ARMH4: variants seen among roughly 807,000 people sequenced by gnomAD.
ARMH4 encodes the protein armadillo-like helical domain-containing protein 4.
Under a neutral mutation model 61.9 loss-of-function variants are expected in ARMH4, and 49 were observed. That is an observed-to-expected ratio of 0.79 (90% CI 0.63 to 1.00). ARMH4 has a LOEUF of 1.00. ARMH4 is among the 50% of genes least tolerant of loss of function. The pLI is 0.00. For synonymous variants in ARMH4, 368 were observed against 341.5 expected, an observed-to-expected ratio of 1.08 and a Z score of -0.85; for missense variants, 934 against 930.0, an observed-to-expected ratio of 1.00 and a Z score of -0.06.
intron 5 of ARMH4, among the ~76,000 whole-genome samples, chr14:58,044,756 A>T (rs1216958101): frequency 6.6e-6 from 1 of 152,250 alleles, no homozygotes; most frequent in Non-Finnish European, 1.5e-5. Flanking sequence ...AAAGAACTCA[A>T]ACAAATTTAC....
At chr14:58,040,725 G>C (rs534732171) in intron 5 of ARMH4, among the ~76,000 whole-genome samples, 7 of 152,140 alleles carry the variant, frequency 4.6e-5, no homozygotes, top group Non-Finnish European at 8.8e-5. Context: ...ATTGAAACCT[G>C]GAATATATTT....
chr14:58,010,091 G>A (rs1882347299), intron 6 of ARMH4, among the ~76,000 whole-genome samples: 1 of 152,182 alleles, frequency 6.6e-6, no homozygotes, highest in East Asian at 1.9e-4. Context: ...GGTTGGGCAT[G>A]TAGTTTAGTT....
At position 58,071,523 on chromosome 14, in the gene ARMH4, T is replaced by C. The variant is rs113829831; in HGVS notation, c.2089+25201A>G. Among the ~76,000 whole-genome samples the C allele has an allele frequency of 7.3e-3, 1,119 of 152,292 alleles. 14 individuals carry two copies. Among genetic ancestry groups the C allele is most frequent in the African/African-American group, 0.025 (1,044 of 41,554 alleles). Reference sequence around the variant, plus strand: ...GTCAGGTCATATAACTGGTGCCAAATTGGCTCCCACTTGTGTTTTAGGCTG... The same window carrying C: ...GTCAGGTCATATAACTGGTGCCAAACTGGCTCCCACTTGTGTTTTAGGCTG... On this transcript the variant is annotated intron_variant, in intron 5 of 7. Coordinates refer to ENST00000267485, the MANE Select transcript of ARMH4 (RefSeq NM_001001872.4).
chr14:58,086,551 T>C (rs1317874270), intron 5 of ARMH4, among the ~76,000 whole-genome samples: 1 of 152,124 alleles, frequency 6.6e-6, no homozygotes, highest in Non-Finnish European at 1.5e-5. Context: ...TTATGTTATC[T>C]AAAAACCTTG....
intron 5 of ARMH4, among the ~76,000 whole-genome samples, chr14:58,071,855 G>A (rs568753294): frequency 6.6e-6 from 1 of 152,152 alleles, no homozygotes. Context: ...TAGTGCTGAC[G>A]ACAAGGGAGA....
At position 58,138,998 on chromosome 14, in the gene ARMH4, A is replaced by T. The variant is rs755487937; in HGVS notation, c.361T>A (p.Ser121Thr). 1 of 1,614,202 alleles carries T rather than the reference A, an allele frequency of 6.2e-7. No homozygotes were observed. Among genetic ancestry groups the T allele is most frequent in the South Asian group, 1.1e-5 (1 of 91,090 alleles). The change falls in exon 2 of 8, where the codon TCA becomes ACA. Residue 121 changes from serine to threonine, a missense_variant. Physicochemically the swap from Ser to Thr is moderately conservative, Grantham distance 58. Coordinates refer to ENST00000267485, the MANE Select transcript of ARMH4 (RefSeq NM_001001872.4). ...CTGGAACCAAATACTTCTTCAGCTG[A>T]GGGGACACCTGACTCAGTAGGTGTG... Reference protein sequence around the residue: ...VSTPTESGVPSAEEVFGSSQP... With the variant: ...VSTPTESGVPTAEEVFGSSQP...
intron 5 of ARMH4, among the ~76,000 whole-genome samples, chr14:58,060,283 G>C (rs1275975847): frequency 6.6e-6 from 1 of 152,134 alleles, no homozygotes; most frequent in Non-Finnish European, 1.5e-5. Flanking sequence ...CAGCTTTGCT[G>C]TTATTTCCTC....
At chr14:58,055,276 A>G (rs955672353) in intron 5 of ARMH4, among the ~76,000 whole-genome samples, 2 of 152,240 alleles carry the variant, frequency 1.3e-5, no homozygotes, top group African/African-American at 4.8e-5. Context: ...AGAAAGCAAC[A>G]AATATGTCCC....
At chr14:58,119,984 T>C (rs1236814878) in intron 4 of ARMH4, among the ~76,000 whole-genome samples, 1 of 102,532 alleles carries the variant, frequency 9.8e-6, no homozygotes, top group Admixed American at 8.5e-5. Flanking sequence ...CAGTTGTACA[T>C]CACTTAACAA....
At chr14:58,119,863 T>A (rs1364545259) in intron 4 of ARMH4, among the ~76,000 whole-genome samples, 2 of 152,216 alleles carry the variant, frequency 1.3e-5, no homozygotes, top group African/African-American at 4.8e-5. Flanking sequence ...AAACAATTTA[T>A]TGCTAGTGTG....
rs1282687440 is a variant in ARMH4, at chr14:58,001,540, A to G, written c.*3196T>C. ...CCACCCACAGTATACAAGGATTCCA[A>G]TTTCTCCACATCCTCAGAAACAATT... is the stretch of plus-strand genomic sequence containing the variant. On this transcript the variant is annotated 3_prime_UTR_variant, in exon 8 of 8. Transcript: ENST00000267485. 1.3e-5 allele frequency: 2 copies of G among 152,162 alleles called. No homozygotes were observed. The highest frequency in any genetic ancestry group is 4.8e-5 in the African/African-American group (2 of 41,448). 9.4% of individuals were successfully genotyped at this position (152,162 alleles called of 1,614,324 possible). A position where few individuals can be genotyped will look rare whatever the true frequency, so the allele number is the denominator to read the frequency against.
At chr14:58,141,347 T>C (rs770231928) in intron 1 of ARMH4, 38 of 496,624 alleles carry the variant, frequency 7.7e-5, no homozygotes, top group Non-Finnish European at 1.3e-4. Context: ...ACCGACACCA[T>C]TTAGAATGTC....
intron 1 of ARMH4, among the ~76,000 whole-genome samples, chr14:58,148,043 T>C (rs537394445): frequency 5.9e-4 from 90 of 152,178 alleles, no homozygotes; most frequent in African/African-American, 2.0e-3. Flanking sequence ...GGCTCCTAAG[T>C]TGGTTTTTTG....
At chr14:58,033,730 C>CT (rs547004720) in intron 5 of ARMH4, among the ~76,000 whole-genome samples, 951 of 15,136 alleles carry the variant, frequency 0.063, 71 homozygotes, top group African/African-American at 0.098. Flanking sequence ...AGCTGAAAAC[C>CT]AAGGCTCGAG....
chr14:58,000,991 A>G lies in ARMH4; in HGVS notation c.*3745T>C, dbSNP rs1881964018. 1 of 152,194 alleles carries G rather than the reference A, an allele frequency of 6.6e-6. No individual in the cohort carries two copies. The highest frequency in any genetic ancestry group is 2.4e-5 in the African/African-American group (1 of 41,452). The allele number at this position is 152,194 out of a possible 1,614,324, so 9.4% of individuals were successfully genotyped here. On this transcript the variant is annotated 3_prime_UTR_variant, in exon 8 of 8. Coordinates refer to ENST00000267485, the MANE Select transcript of ARMH4 (RefSeq NM_001001872.4). ...AACTTATTCATCTTGCATAACTGAAACATAATTAATCAACATCTCCCCACC... is the reference window on the plus strand; with the variant it reads ...AACTTATTCATCTTGCATAACTGAAGCATAATTAATCAACATCTCCCCACC...
chr14:58,148,833 T>C (rs990934358), intron 1 of ARMH4, among the ~76,000 whole-genome samples: 5 of 147,474 alleles, frequency 3.4e-5, no homozygotes, highest in African/African-American at 1.3e-4. Flanking sequence ...TATTTTAAGG[T>C]TTCAGAGTTT....
At chr14:58,029,281 T>G (rs892294386) in intron 5 of ARMH4, among the ~76,000 whole-genome samples, 2 of 152,150 alleles carry the variant, frequency 1.3e-5, no homozygotes, top group Non-Finnish European at 1.5e-5. Flanking sequence ...TTGCCCAGGT[T>G]GGAGTGCAAT....
chr14:58,092,347 T>C (rs1033608863), intron 5 of ARMH4, among the ~76,000 whole-genome samples: 2 of 152,218 alleles, frequency 1.3e-5, no homozygotes, highest in African/African-American at 2.4e-5. Context: ...CAGGAAAAAG[T>C]ATACGTAATT....
chr14:58,010,843 T>A (rs1882382743), intron 6 of ARMH4, among the ~76,000 whole-genome samples: 1 of 152,216 alleles, frequency 6.6e-6, no homozygotes, highest in East Asian at 1.9e-4. Context: ...AAGCCTTTTT[T>A]TTTTTGGTCC....
Sources: gnomAD v4.1 joint callset for allele counts (sites outside exome capture counted in the v4.1 genomes callset) on GRCh38, gnomAD v4.1.1 for gene constraint, MANE v1.5 for transcripts, NCBI Gene and HGNC (gene_info 2026-07-23, HGNC 2026-07-21) for gene names.